The following GSE1 variants were observed in gnomAD, a reference collection of about 807,000 sequenced individuals.
The protein encoded by GSE1 is Gse1 coiled-coil protein.
Under a neutral mutation model 112.6 loss-of-function variants are expected in GSE1, and 32 were observed. The ratio of observed to expected loss-of-function variants is 0.28; its 90% CI spans 0.21 to 0.38. The LOEUF (loss-of-function observed/expected upper bound fraction) is 0.38. GSE1 is among the 10% of genes least tolerant of loss of function. The pLI is 1.00. For synonymous variants in GSE1, 1,115 were observed against 735.6 expected, an observed-to-expected ratio of 1.52 and a Z score of -8.35; for missense variants, 2,348 against 1,699.2, an observed-to-expected ratio of 1.38 and a Z score of -6.71.
chr16:85,509,928 C>G (rs980406239), intron 2 of GSE1, among the ~76,000 whole-genome samples: 2 of 152,222 alleles, frequency 1.3e-5, no homozygotes, highest in African/African-American at 4.8e-5. Flanking sequence ...CTGACAAGAG[C>G]CATTTCCAAG....
intron 2 of GSE1, among the ~76,000 whole-genome samples, chr16:85,383,358 T>A (rs2047603622): frequency 2.0e-5 from 3 of 149,732 alleles, no homozygotes; most frequent in Admixed American, 1.3e-4. Context: ...CTGCACCCAA[T>A]AGACAGCTGC....
intron 1 of GSE1, among the ~76,000 whole-genome samples, chr16:85,244,852 G>A (rs1255982816): frequency 2.0e-5 from 3 of 152,190 alleles, no homozygotes; most frequent in East Asian, 1.9e-4. Flanking sequence ...TTAGCCGTGC[G>A]TGATGGCACA....
chr16:85,331,517 GTGTATATATGTGTATA>G (rs1396638959), intron 1 of GSE1, among the ~76,000 whole-genome samples: 1 of 110,922 alleles, frequency 9.0e-6, no homozygotes. Context: ...ATGTATATAT[GTGTATATATGTGTATA>G]TGTGTATATG....
At chr16:85,535,847 A>G (rs1235220122) in intron 2 of GSE1, among the ~76,000 whole-genome samples, 1 of 152,214 alleles carries the variant, frequency 6.6e-6, no homozygotes, top group Non-Finnish European at 1.5e-5. Flanking sequence ...AATTCCCTCC[A>G]GCTTCAAAGG....
intron 2 of GSE1, among the ~76,000 whole-genome samples, chr16:85,508,365 TC>T (rs1395288381): frequency 1.3e-5 from 2 of 152,182 alleles, no homozygotes; most frequent in Non-Finnish European, 2.9e-5. Context: ...CAGGTGATGT[TC>T]CAGAGTGACA....
At chr16:85,402,583 C>A (rs141880059) in intron 2 of GSE1, among the ~76,000 whole-genome samples, 1 of 152,112 alleles carries the variant, frequency 6.6e-6, no homozygotes, top group Admixed American at 6.5e-5. Flanking sequence ...GAGAGCTTGT[C>A]GGGAGCGCGG....
At chr16:85,424,515 G>C (rs957478956) in intron 2 of GSE1, among the ~76,000 whole-genome samples, 19 of 152,230 alleles carry the variant, frequency 1.2e-4, no homozygotes, top group African/African-American at 4.3e-4. Flanking sequence ...CTCTAGCCCT[G>C]CCTGGCCCTG....
chr16:85,200,961 G>C (rs1176721861), intron 1 of GSE1, among the ~76,000 whole-genome samples: 1 of 152,106 alleles, frequency 6.6e-6, no homozygotes, highest in Non-Finnish European at 1.5e-5. Context: ...ACTGACCCTG[G>C]TGGCAGGCTC....
intron 14 of GSE1, 72 bp from the exon 15 acceptor site, chr16:85,670,923 A>T: frequency 1.1e-6 from 1 of 925,416 alleles, no homozygotes. Flanking sequence ...GCAGGGTGTG[A>T]AGAGGAGAGC....
At chr16:85,260,191 A>G (rs1907524450) in intron 1 of GSE1, among the ~76,000 whole-genome samples, 2 of 151,990 alleles carry the variant, frequency 1.3e-5, no homozygotes, top group South Asian at 2.1e-4. Flanking sequence ...CTGCCCTCCC[A>G]TGGTACCTGG....
chr16:85,588,239 C>G (rs549228589), intron 1 of GSE1, among the ~76,000 whole-genome samples: 2 of 152,360 alleles, frequency 1.3e-5, no homozygotes, highest in African/African-American at 4.8e-5. Flanking sequence ...CCACCAGCTT[C>G]CCAGAACGCT....
chr16:85,522,257 G>A (rs899911756), intron 2 of GSE1, among the ~76,000 whole-genome samples: 6 of 152,078 alleles, frequency 3.9e-5, no homozygotes, highest in African/African-American at 1.2e-4. Flanking sequence ...CTCTTTCCCT[G>A]CACTGCGCCC....
chr16:85,240,818 G>C (rs1349781045), intron 1 of GSE1, among the ~76,000 whole-genome samples: 1 of 152,170 alleles, frequency 6.6e-6, no homozygotes, highest in East Asian at 1.9e-4. Context: ...GTGCTGGGTT[G>C]GGGGGTCCCA....
At chr16:85,293,194 TG>T (rs2045272065) in intron 1 of GSE1, among the ~76,000 whole-genome samples, 1 of 151,994 alleles carries the variant, frequency 6.6e-6, no homozygotes, top group South Asian at 2.1e-4. Context: ...ATTGGATGAG[TG>T]ATAGGCCTGT....
intron 1 of GSE1, among the ~76,000 whole-genome samples, chr16:85,633,336 C>T (rs533260741): frequency 4.3e-4 from 65 of 152,264 alleles, no homozygotes; most frequent in Non-Finnish European, 7.2e-4. Flanking sequence ...TGAGTGCCCG[C>T]GTGGACTGGG....
rs551421740 is a variant in GSE1, at chr16:85,366,675, T to C, written c.2464+9032T>C. Among the ~76,000 whole-genome samples the C allele has an allele frequency of 3.3e-5, 5 of 152,354 alleles. No individual in the cohort carries two copies. The South Asian group carries it at 1.0e-3, about 32-fold the overall frequency. ...AGACTGGGATCTGGTTTCCCTCAGC[T>C]GGTTCCCTTGCTAGCGTGTGACTCT... On this transcript the variant is annotated intron_variant, in intron 2 of 2. Coordinates refer to the GSE1 transcript ENST00000637419.
chr16:85,503,177 A>G (rs1375901504), intron 2 of GSE1, among the ~76,000 whole-genome samples: 1 of 152,180 alleles, frequency 6.6e-6, no homozygotes, highest in Non-Finnish European at 1.5e-5. Flanking sequence ...AGTGGGTGGG[A>G]GCCACTGACG....
At chr16:85,615,564 C>T (rs994997751) in intron 1 of GSE1, among the ~76,000 whole-genome samples, 1 of 152,104 alleles carries the variant, frequency 6.6e-6, no homozygotes, top group Non-Finnish European at 1.5e-5. Context: ...GGTGAGAGCC[C>T]GCCAGGAGCC....
At chr16:85,626,266 T>G (rs1333109443) in intron 1 of GSE1, among the ~76,000 whole-genome samples, 2 of 152,198 alleles carry the variant, frequency 1.3e-5, no homozygotes, top group Non-Finnish European at 2.9e-5. Flanking sequence ...CCACTGAGCT[T>G]GGAGCACGTG....
Sources: gnomAD v4.1 joint callset for allele counts (sites outside exome capture counted in the v4.1 genomes callset) on GRCh38, gnomAD v4.1.1 for gene constraint, MANE v1.5 for transcripts, NCBI Gene and HGNC (gene_info 2026-07-23, HGNC 2026-07-21) for gene names.